The following NAALADL2 variants were observed in gnomAD, a reference collection of about 807,000 sequenced individuals.
NAALADL2 encodes the protein inactive N-acetylated-alpha-linked acidic dipeptidase-like protein 2.
In NAALADL2, 76 loss-of-function variants were observed where a neutral mutation model predicts 87.2. That is an observed-to-expected ratio of 0.87 (90% CI 0.72 to 1.05). NAALADL2 has a LOEUF of 1.05. Among genes scored for constraint, NAALADL2 ranks in the 50% least tolerant of loss-of-function variants. The probability of loss-of-function intolerance (pLI) is 0.00; values close to 1 mark genes in which losing one functional copy is unlikely to be tolerated. For synonymous variants in NAALADL2, 354 were observed against 331.0 expected (o/e 1.07, Z -0.75); for missense variants, 1,089 against 945.8 (o/e 1.15, Z -1.99).
chr3:174,971,665 C>CTCTGTG (rs1553906940), intron 1 of NAALADL2, among the ~76,000 whole-genome samples: 5 of 144,724 alleles, frequency 3.5e-5, no homozygotes, highest in African/African-American at 1.3e-4. Context: ...GTATGCTAGA[C>CTCTGTG]TGTGTGTGTG....
chr3:175,736,096 C>T (rs1744466060), intron 11 of NAALADL2, among the ~76,000 whole-genome samples: 1 of 152,218 alleles, frequency 6.6e-6, no homozygotes, highest in South Asian at 2.1e-4. Flanking sequence ...AGAGAGATAA[C>T]AATGGCATTT....
At position 175,618,866 on chromosome 3, in the gene NAALADL2, A is replaced by G. The variant is rs1725746975; in HGVS notation, c.1801-8425A>G. The stretch of plus-strand genomic sequence containing the variant: ...GCTGTTGGTAACCTTTGGGTTCCGT[A>G]TACCTCATCTATACCATGGATGTGC... On this transcript the variant is annotated intron_variant, in intron 10 of 13. Coordinates refer to ENST00000454872, the MANE Select transcript of NAALADL2 (RefSeq NM_207015.3). Among the ~76,000 whole-genome samples, 2 of 152,120 alleles carry G rather than the reference A, an allele frequency of 1.3e-5. 1 individual carries two copies. The highest frequency in any genetic ancestry group is 4.1e-4 in the South Asian group (2 of 4,828).
intron 3 of NAALADL2, among the ~76,000 whole-genome samples, chr3:174,795,145 C>G (rs1442541987): frequency 6.7e-6 from 1 of 150,056 alleles, no homozygotes; most frequent in East Asian, 1.9e-4. Context: ...GCATGCACCA[C>G]CATGCCTGGC....
intron 2 of NAALADL2, among the ~76,000 whole-genome samples, chr3:174,653,617 G>A (rs1050448139): frequency 5.9e-5 from 9 of 152,102 alleles, no homozygotes; most frequent in African/African-American, 2.2e-4. Context: ...GCAAGGTAAG[G>A]TTTTAGTGGA....
In NAALADL2 at chr3:174,930,207, C is replaced by T. The variant is rs373723843; in HGVS notation, c.43+70757C>T. 2.1e-4 allele frequency among the ~76,000 whole-genome samples: 32 copies of T among 152,126 alleles called. No individual in the cohort carries two copies. In the East Asian group the frequency reaches 5.4e-3, roughly 26 times the overall value. ...GTATTAGAATTTGGAAGTTCATGGG[C>T]AAGGTCAGTTTGGGCAGTTTTTAAA... On this transcript the variant is annotated intron_variant, in intron 1 of 13. Transcript: ENST00000454872.
chr3:175,230,244 A>G (rs1253684899), intron 2 of NAALADL2, among the ~76,000 whole-genome samples: 1 of 152,068 alleles, frequency 6.6e-6, no homozygotes, highest in Non-Finnish European at 1.5e-5. Context: ...GAATAACTTC[A>G]TGACCACAGC....
At chr3:174,744,767 C>G (rs1461894318) in intron 3 of NAALADL2, among the ~76,000 whole-genome samples, 2 of 152,116 alleles carry the variant, frequency 1.3e-5, no homozygotes, top group Non-Finnish European at 2.9e-5. Flanking sequence ...ACAGTGCAAT[C>G]AATTTAGAAG....
intron 2 of NAALADL2, among the ~76,000 whole-genome samples, chr3:175,133,091 G>A (rs200262420): frequency 3.2e-4 from 47 of 148,666 alleles, no homozygotes; most frequent in Admixed American, 7.3e-4. Flanking sequence ...ACGGGGCGGC[G>A]GGGCAGAGGC....
At chr3:174,447,978 C>T (rs1180780355) in intron 1 of NAALADL2, among the ~76,000 whole-genome samples, 4 of 152,066 alleles carry the variant, frequency 2.6e-5, no homozygotes, top group African/African-American at 7.2e-5. Context: ...CTTATTATTG[C>T]TGTTATCTAT....
intron 3 of NAALADL2, among the ~76,000 whole-genome samples, chr3:174,774,802 A>G (rs1373811633): frequency 6.6e-6 from 1 of 152,186 alleles, no homozygotes; most frequent in African/African-American, 2.4e-5. Flanking sequence ...AGAAATGTAA[A>G]CTTCTAAGTA....
intron 1 of NAALADL2, among the ~76,000 whole-genome samples, chr3:175,054,214 C>G (rs1392616692): frequency 6.6e-6 from 1 of 152,144 alleles, no homozygotes; most frequent in Non-Finnish European, 1.5e-5. Flanking sequence ...ACTTTTTAAG[C>G]CAGAATAAGA....
At chr3:175,170,999 T>C (rs1734724741) in intron 2 of NAALADL2, among the ~76,000 whole-genome samples, 1 of 151,908 alleles carries the variant, frequency 6.6e-6, no homozygotes. Flanking sequence ...TCACATTTTT[T>C]CCCAATTTCT....
chr3:175,745,085 A>T (rs7615214), intron 12 of NAALADL2, among the ~76,000 whole-genome samples: 2 of 151,932 alleles, frequency 1.3e-5, no homozygotes, highest in African/African-American at 4.8e-5. Flanking sequence ...CTTGACAACC[A>T]GCCATCTTGT....
At chr3:174,555,251 TAA>T (rs1185667139) in intron 2 of NAALADL2, among the ~76,000 whole-genome samples, 1 of 152,170 alleles carries the variant, frequency 6.6e-6, no homozygotes, top group Non-Finnish European at 1.5e-5. Context: ...TTATTTAATA[TAA>T]GTTTTATGAG....
chr3:175,245,843 C>G (rs1489880211), intron 3 of NAALADL2, among the ~76,000 whole-genome samples: 1 of 152,186 alleles, frequency 6.6e-6, no homozygotes, highest in Non-Finnish European at 1.5e-5. Flanking sequence ...TTTTAACTGA[C>G]TAGAACTTGT....
At chr3:175,022,827 T>G (rs9823677) in intron 1 of NAALADL2, among the ~76,000 whole-genome samples, 15,358 of 151,808 alleles carry the variant, frequency 0.1, 1,124 homozygotes, top group East Asian at 0.25. Context: ...TCATCTTAAA[T>G]GATTAATTCA....
At chr3:175,254,403 T>C (rs1009220927) in intron 3 of NAALADL2, among the ~76,000 whole-genome samples, 4 of 152,182 alleles carry the variant, frequency 2.6e-5, no homozygotes, top group African/African-American at 4.8e-5. Context: ...AGTGTGAACA[T>C]AACTATTATA....
intron 1 of NAALADL2, among the ~76,000 whole-genome samples, chr3:175,033,630 C>A (rs1037796317): frequency 1.3e-5 from 2 of 152,084 alleles, no homozygotes; most frequent in African/African-American, 4.8e-5. Flanking sequence ...GGTGGTCTCT[C>A]CTTTTTGTTT....
chr3:174,899,111 C>T (rs192873838), intron 1 of NAALADL2, among the ~76,000 whole-genome samples: 201 of 152,214 alleles, frequency 1.3e-3, no homozygotes, highest in African/African-American at 4.6e-3. Context: ...AAACTAGAAC[C>T]TCAGCGAACA....
Sources: gnomAD v4.1 joint callset for allele counts (sites outside exome capture counted in the v4.1 genomes callset) on GRCh38, gnomAD v4.1.1 for gene constraint, MANE v1.5 for transcripts, NCBI Gene and HGNC (gene_info 2026-07-23, HGNC 2026-07-21) for gene names.